Variants in PIK3R3 observed in about 807,000 individuals in gnomAD.
PIK3R3 encodes the protein phosphatidylinositol 3-kinase regulatory subunit gamma.
Under a neutral mutation model 62.9 loss-of-function variants are expected in PIK3R3, and 64 were observed. That is an observed-to-expected ratio of 1.02 (90% CI 0.83 to 1.25). The LOEUF (loss-of-function observed/expected upper bound fraction) is 1.25, where lower values mean the gene tolerates loss of function less well. Among genes scored for constraint, PIK3R3 ranks in the 50% most tolerant of loss-of-function variants. The pLI is 0.00. For synonymous variants in PIK3R3, 165 were observed against 189.0 expected, an observed-to-expected ratio of 0.87 and a Z score of 1.04; for missense variants, 614 against 561.6, an observed-to-expected ratio of 1.09 and a Z score of -0.94.
upstream of PIK3R3, chr1:46,132,675 C>T (rs765154447): frequency 2.6e-5 from 34 of 1,289,736 alleles, 1 homozygote; most frequent in South Asian, 3.6e-4. Flanking sequence ...GGAGGGGACA[C>T]CCTCCCCGCC....
chr1:46,136,715 C>G (rs1371677320), upstream of PIK3R3, among the ~76,000 whole-genome samples: 1 of 151,818 alleles, frequency 6.6e-6, no homozygotes, highest in Non-Finnish European at 1.5e-5. Context: ...CCTCACTCTT[C>G]CCACTTTGGG....
chr1:46,090,999 T>A lies in PIK3R3; in HGVS notation c.107-10249A>T, dbSNP rs775398764. On this transcript the variant is annotated intron_variant, in intron 1 of 9. Coordinates refer to ENST00000262741, the MANE Select transcript of PIK3R3 (RefSeq NM_003629.4). Reference sequence around the variant, plus strand: ...CAAGGTGCAAAAAATAGTTTTTACTTTTTTTATTATTTTGAGAGGAGGGTC... The same window carrying A: ...CAAGGTGCAAAAAATAGTTTTTACTATTTTTATTATTTTGAGAGGAGGGTC... Among the ~76,000 whole-genome samples the A allele has an allele frequency of 5.5e-4, 83 of 152,134 alleles. 2 individuals are homozygous for A. The highest frequency in any genetic ancestry group is 1.0e-3 in the Admixed American group (16 of 15,270).
At chr1:46,071,604 G>A (rs904192035) in intron 3 of PIK3R3, among the ~76,000 whole-genome samples, 14 of 148,732 alleles carry the variant, frequency 9.4e-5, no homozygotes, top group Non-Finnish European at 4.4e-5. Flanking sequence ...TGAGGCAGGA[G>A]AATCACTTGA....
Position 46,046,015 on chromosome 1 carries a change from T to G in PIK3R3, c.1090A>C (p.Asn364His). ...AGCAAGTCCTCTGCTTGTACTCGATTGATATCCTCAACAAACCAGGTTTTC... is the reference window on the plus strand; with the variant it reads ...AGCAAGTCCTCTGCTTGTACTCGATGGATATCCTCAACAAACCAGGTTTTC... ...DEKTWFVEDI[N>H]RVQAEDLLYG... is the part of the protein sequence containing the mutation. Residue 364 changes from asparagine (N) to histidine (H), a missense_variant, in exon 9 of 10, where the codon AAT (asparagine) becomes CAT (histidine). Asn to His is a moderately conservative substitution (Grantham distance 68). Transcript: ENST00000262741. 3 of 1,612,380 alleles carry G rather than the reference T, an allele frequency of 1.9e-6. No individual in the cohort carries two copies. Among genetic ancestry groups the G allele is most frequent in the Non-Finnish European group, 2.5e-6 (3 of 1,178,560 alleles).
chr1:46,104,019 G>A (rs9429094), intron 1 of PIK3R3, among the ~76,000 whole-genome samples: 67,804 of 151,472 alleles, frequency 0.45, 15,309 homozygotes, highest in East Asian at 0.62. Context: ...TCTGCTCCCC[G>A]GGTTCAAGCA....
In PIK3R3 at chr1:46,080,668, T is replaced by A. The variant is rs199667851; in HGVS notation, c.189A>T (p.Ala63=). The change falls in exon 2 of 10, where the codon GCA becomes GCT. Residue 63 remains alanine (A), a synonymous_variant. Transcript: ENST00000262741. ...MKDSSVSLQD[A]EWYWGDISRE... ...TTGAAATATCCCCCCAGTACCATTCTGCATCCTGAAGAGAAACAGAACTGT... is the reference window on the plus strand; with the variant it reads ...TTGAAATATCCCCCCAGTACCATTCAGCATCCTGAAGAGAAACAGAACTGT... 4.3e-6 allele frequency: 7 copies of A among 1,611,128 alleles called. 1 individual carries two copies. The African/African-American group carries it at 9.3e-5, about 21-fold the overall frequency.
At chr1:46,090,393 G>A (rs1651511522) in intron 1 of PIK3R3, among the ~76,000 whole-genome samples, 2 of 151,908 alleles carry the variant, frequency 1.3e-5, no homozygotes, top group Non-Finnish European at 2.9e-5. Context: ...GTGCGGTGGC[G>A]CAATCTCGGC....
At chr1:46,056,673 A>AT (rs1311980813) in intron 6 of PIK3R3, 1 of 152,242 alleles carries the variant, frequency 6.6e-6, no homozygotes, top group Non-Finnish European at 1.5e-5. Context: ...AATTATGAAT[A>AT]TGCAGTTCTC....
chr1:46,105,207 A>T (rs9429188), intron 1 of PIK3R3: 103,851 of 479,226 alleles, frequency 0.22, 13,106 homozygotes, highest in Non-Finnish European at 0.26. Context: ...TGAATTGTTT[A>T]AAAAACAGCT....
intron 1 of PIK3R3, among the ~76,000 whole-genome samples, chr1:46,083,631 A>G (rs1650805195): frequency 6.6e-6 from 1 of 152,244 alleles, no homozygotes; most frequent in African/African-American, 2.4e-5. Flanking sequence ...GGATCTGAAT[A>G]TATATTTCTC....
At chr1:46,066,446 T>C (rs968083113) in intron 4 of PIK3R3, among the ~76,000 whole-genome samples, 3 of 152,238 alleles carry the variant, frequency 2.0e-5, no homozygotes, top group Middle Eastern at 3.2e-3. Flanking sequence ...AACATAAGTA[T>C]TTTTATATAA....
intron 5 of PIK3R3, among the ~76,000 whole-genome samples, chr1:46,063,983 C>G (rs550476602): frequency 6.6e-6 from 1 of 150,896 alleles, no homozygotes; most frequent in East Asian, 2.0e-4. Flanking sequence ...GAGGCTGAGT[C>G]GGGTCGATCA....
At chr1:46,125,620 T>C (rs1320676883) in intron 1 of PIK3R3, among the ~76,000 whole-genome samples, 10 of 152,192 alleles carry the variant, frequency 6.6e-5, no homozygotes, top group Non-Finnish European at 1.2e-4. Flanking sequence ...AAATACCAAG[T>C]ATGTCAAGGT....
At chr1:46,059,869 G>A (rs181527848) in intron 6 of PIK3R3, among the ~76,000 whole-genome samples, 2 of 152,286 alleles carry the variant, frequency 1.3e-5, no homozygotes, top group East Asian at 3.9e-4. Flanking sequence ...GGAGGCCAAG[G>A]CGGGCAGATC....
Position 46,105,097 on chromosome 1 carries a change from T to A in PIK3R3, c.107-24347A>T, listed in dbSNP as rs887260902. The A allele has an allele frequency of 1.9e-5, 14 of 737,196 alleles. No homozygotes were observed. In the Admixed American group the frequency reaches 2.6e-4, roughly 13 times the overall value. The allele number at this position is 737,196 out of a possible 1,614,324, so 45.7% of individuals were successfully genotyped here. A position where few individuals can be genotyped will look rare whatever the true frequency, so the allele number is the denominator to read the frequency against. On this transcript the variant is annotated intron_variant, in intron 1 of 9. Transcript: ENST00000262741. ...CTTTCTCTATTGCTGTATGGACTTA[T>A]GTAGCAACTCAAATTGGAATAGAAT... is the stretch of plus-strand genomic sequence containing the variant.
In PIK3R3 at chr1:46,041,830, G is replaced by C. The variant is rs1647002444; in HGVS notation, c.*1843C>G. 4.7e-6 allele frequency: 1 copy of C among 212,498 alleles called. No individual in the cohort carries two copies. The allele number at this position is 212,498 out of a possible 1,614,324, so 13.2% of individuals were successfully genotyped here. A position where few individuals can be genotyped will look rare whatever the true frequency, so the allele number is the denominator to read the frequency against. On this transcript the variant is annotated 3_prime_UTR_variant, in exon 10 of 10. Coordinates refer to ENST00000262741, the MANE Select transcript of PIK3R3 (RefSeq NM_003629.4). ...GAAACTGCAGTGTAACCAAGAAAAA[G>C]CCAAAGAGAAGCACTTCCCTTTCTA... is the stretch of plus-strand genomic sequence containing the variant.
At chr1:46,087,766 G>A (rs549484415) in intron 1 of PIK3R3, among the ~76,000 whole-genome samples, 1 of 152,020 alleles carries the variant, frequency 6.6e-6, no homozygotes, top group Non-Finnish European at 1.5e-5. Context: ...CTCAGTGAAG[G>A]CCTCCAGTTA....
At chr1:46,111,886 G>T (rs1257686426) in intron 1 of PIK3R3, among the ~76,000 whole-genome samples, 1 of 152,134 alleles carries the variant, frequency 6.6e-6, no homozygotes, top group African/African-American at 2.4e-5. Context: ...TTCACAAAAA[G>T]AAAGTTAAGT....
the PIK3R3 span, among the ~76,000 whole-genome samples, chr1:46,151,940 A>G: frequency 2.2e-3 from 332 of 152,286 alleles, 4 homozygotes; most frequent in African/African-American, 7.6e-3. Flanking sequence ...CAAAAAGTAG[A>G]AGAATCTAAA....
Sources: allele counts gnomAD v4.1 joint callset (sites outside exome capture counted in the v4.1 genomes callset), GRCh38; gene constraint gnomAD v4.1.1; transcripts MANE v1.5; gene names NCBI Gene and HGNC (gene_info 2026-07-23, HGNC 2026-07-21).